The following KIAA1958 variants were observed in gnomAD, a reference collection of about 807,000 sequenced individuals.
KIAA1958 encodes the protein uncharacterized protein KIAA1958.
In KIAA1958, 14 loss-of-function variants were observed where a neutral mutation model predicts 47.2. That is an observed-to-expected ratio of 0.30 (90% CI 0.20 to 0.46). The LOEUF (loss-of-function observed/expected upper bound fraction) is 0.46, where lower values mean the gene tolerates loss of function less well. KIAA1958 is among the 20% of genes least tolerant of loss of function. The pLI, the probability that KIAA1958 is intolerant of heterozygous loss-of-function variation, is 1.00. For missense variants in KIAA1958, 803 were observed against 909.2 expected (o/e 0.88, Z 1.50); for synonymous variants, 354 against 353.3 (o/e 1.00, Z -0.02).
chr9:112,568,190 T>C lies in KIAA1958; in HGVS notation c.-24-5867T>C, dbSNP rs144309574. On this transcript the variant is annotated intron_variant, in intron 1 of 3. Coordinates refer to ENST00000337530, the MANE Select transcript of KIAA1958 (RefSeq NM_133465.4). The stretch of plus-strand genomic sequence containing the variant: ...GACAGTTTCATGGGTATAACAGTTA[T>C]GAGCAGATGAACCATATTCAGGAAG... Among the ~76,000 whole-genome samples, 788 of 152,282 alleles carry C rather than the reference T, an allele frequency of 5.2e-3. 2 individuals are homozygous for C. The highest frequency in any genetic ancestry group is 0.012 in the South Asian group (56 of 4,820).
At chr9:112,541,203 C>A (rs1186557386) in intron 1 of KIAA1958, among the ~76,000 whole-genome samples, 1 of 151,952 alleles carries the variant, frequency 6.6e-6, no homozygotes, top group Admixed American at 6.6e-5. Context: ...TGGGAGTAAG[C>A]GTCCTTGTTT....
chr9:112,642,179 T>C (rs1367129378), intron 2 of KIAA1958, among the ~76,000 whole-genome samples: 1 of 152,216 alleles, frequency 6.6e-6, no homozygotes, highest in Non-Finnish European at 1.5e-5. Flanking sequence ...TGAGCTCTCA[T>C]TTCTGCAGGC....
chr9:112,546,226 A>G (rs1450216265), intron 1 of KIAA1958, among the ~76,000 whole-genome samples: 1 of 152,092 alleles, frequency 6.6e-6, no homozygotes, highest in East Asian at 1.9e-4. Context: ...TGCTAATTAT[A>G]ATACATTAGC....
rs187411321 is a variant in KIAA1958, at chr9:112,532,980, T to A, written c.-24-41077T>A. Among the ~76,000 whole-genome samples, 354 of 151,988 alleles carry A rather than the reference T, an allele frequency of 2.3e-3. 2 individuals are homozygous for A. Among genetic ancestry groups the A allele is most frequent in the African/African-American group, 4.7e-3 (193 of 41,422 alleles). On this transcript the variant is annotated intron_variant, in intron 1 of 3. Transcript: ENST00000337530. The stretch of plus-strand genomic sequence containing the variant: ...TTTAATATGAATTTTAAATGTATAT[T>A]TTTTTTTCAGATACCTGATTATAAA...
chr9:112,558,169 G>A (rs747953666), intron 1 of KIAA1958, among the ~76,000 whole-genome samples: 4 of 151,824 alleles, frequency 2.6e-5, no homozygotes, highest in Admixed American at 1.3e-4. Context: ...AAATTACAGT[G>A]AACCGAGATC....
intron 1 of KIAA1958, among the ~76,000 whole-genome samples, chr9:112,572,533 C>T (rs1564176642): frequency 6.6e-6 from 1 of 152,110 alleles, no homozygotes; most frequent in Non-Finnish European, 1.5e-5. Context: ...ACAGCAAAGG[C>T]AAATCCCTTG....
intron 2 of KIAA1958, among the ~76,000 whole-genome samples, chr9:112,635,188 G>T (rs1836781893): frequency 6.7e-6 from 1 of 150,270 alleles, no homozygotes; most frequent in African/African-American, 2.5e-5. Context: ...ATCTGAACCT[G>T]AAGTTTTATT....
rs529209591 is a variant in KIAA1958 at position 112,641,295 on chromosome 9, C to CT, written c.1172-4350dup. 9.5e-3 allele frequency among the ~76,000 whole-genome samples: 1,344 copies of CT among 142,004 alleles called. 11 individuals carry two copies. The highest frequency in any genetic ancestry group is 0.014 in the Non-Finnish European group (907 of 65,886). The allele number at this position is 142,004 out of a possible 152,430, so 93.2% of individuals were successfully genotyped here. A position where few individuals can be genotyped will look rare whatever the true frequency, so the allele number is the denominator to read the frequency against. ...GGTAATAAATTTCTTCATTTACAGT[C>CT]TTTTTCCCTTACAACTCTGAGGAGA... On this transcript the variant is annotated intron_variant, in intron 2 of 3. Transcript: ENST00000337530.
In KIAA1958 at chr9:112,523,781, A is replaced by T. The variant is rs112481060; in HGVS notation, c.-25+36663A>T. On this transcript the variant is annotated intron_variant, in intron 1 of 3. Transcript: ENST00000337530. Reference sequence around the variant, plus strand: ...TAAGACAGGACTCAAGTATGAGTTGATAACTGAGGGAACACTTAGGTTTGT... The same window carrying T: ...TAAGACAGGACTCAAGTATGAGTTGTTAACTGAGGGAACACTTAGGTTTGT... Among the ~76,000 whole-genome samples the T allele has an allele frequency of 5.2e-3, 795 of 152,336 alleles. 10 individuals carry two copies. Among genetic ancestry groups the T allele is most frequent in the African/African-American group, 0.018 (755 of 41,570 alleles).
chr9:112,533,296 G>A (rs115726620), intron 1 of KIAA1958, among the ~76,000 whole-genome samples: 3,069 of 151,888 alleles, frequency 0.02, 48 homozygotes, highest in Non-Finnish European at 0.028. Context: ...GGCCAGGCAC[G>A]GTGGCTCACT....
intron 1 of KIAA1958, among the ~76,000 whole-genome samples, chr9:112,537,865 A>C (rs528980582): frequency 1.8e-4 from 27 of 152,364 alleles, no homozygotes; most frequent in Middle Eastern, 3.4e-3. Context: ...AAATTTAGGA[A>C]AATTTTCACA....
At chr9:112,544,562 G>GT (rs34437891) in intron 1 of KIAA1958, among the ~76,000 whole-genome samples, 144,064 of 152,312 alleles carry the variant, frequency 0.95, 68,184 homozygotes, top group South Asian at 0.98. Flanking sequence ...TCAAAGTCAT[G>GT]TGACTATTTA....
chr9:112,531,276 T>C (rs561519824), intron 1 of KIAA1958, among the ~76,000 whole-genome samples: 14 of 152,202 alleles, frequency 9.2e-5, no homozygotes, highest in Non-Finnish European at 1.9e-4. Context: ...TAATCCCAGC[T>C]ACTCAGCAGG....
intron 2 of KIAA1958, among the ~76,000 whole-genome samples, chr9:112,576,156 A>T (rs1835641562): frequency 6.6e-6 from 1 of 152,220 alleles, no homozygotes. Context: ...ACGTCCTTGG[A>T]TTAAGTTGCT....
At chr9:112,643,715 C>T (rs149159487) in intron 2 of KIAA1958, among the ~76,000 whole-genome samples, 285 of 152,102 alleles carry the variant, frequency 1.9e-3, no homozygotes, top group Non-Finnish European at 3.2e-3. Flanking sequence ...GCATGCAGAC[C>T]AATTGAAGAG....
At chr9:112,504,822 A>AT (rs908434542) in intron 1 of KIAA1958, among the ~76,000 whole-genome samples, 2 of 151,288 alleles carry the variant, frequency 1.3e-5, no homozygotes, top group Non-Finnish European at 1.5e-5. Context: ...ATGTATATAC[A>AT]TTTTTTATTT....
chr9:112,521,767 A>G (rs572416807), intron 1 of KIAA1958, among the ~76,000 whole-genome samples: 2 of 152,082 alleles, frequency 1.3e-5, no homozygotes, highest in South Asian at 4.1e-4. Flanking sequence ...TCTGATTTTT[A>G]TATCTGTCTT....
chr9:112,616,484 C>T (rs868849991), intron 2 of KIAA1958, among the ~76,000 whole-genome samples: 9 of 152,076 alleles, frequency 5.9e-5, no homozygotes, highest in Admixed American at 2.6e-4. Context: ...GAAAGACTTC[C>T]GCTAAGCAGT....
chr9:112,628,464 A>G (rs1277869811), intron 2 of KIAA1958, among the ~76,000 whole-genome samples: 1 of 152,214 alleles, frequency 6.6e-6, no homozygotes, highest in Non-Finnish European at 1.5e-5. Flanking sequence ...ATAAAGCAAT[A>G]AAAATAAATT....
Sources: gnomAD v4.1 joint callset for allele counts (sites outside exome capture counted in the v4.1 genomes callset) on GRCh38, gnomAD v4.1.1 for gene constraint, MANE v1.5 for transcripts, NCBI Gene and HGNC (gene_info 2026-07-23, HGNC 2026-07-21) for gene names.